Variants in KIFAP3 observed in about 807,000 individuals in gnomAD.
KIFAP3 encodes kinesin-associated protein 3.
A neutral mutation model predicts 106.5 loss-of-function variants in KIFAP3; 68 were observed. The ratio of observed to expected loss-of-function variants is 0.64; its 90% CI spans 0.53 to 0.78. KIFAP3 has a LOEUF of 0.78. Ranked by LOEUF, KIFAP3 falls within the 30% of genes least tolerant of loss-of-function variation. The pLI is 0.00. For synonymous variants in KIFAP3, 320 were observed against 311.5 expected (o/e 1.03, Z -0.29); for missense variants, 780 against 941.8 (o/e 0.83, Z 2.25).
At chr1:169,963,266 C>A (rs750966208) in intron 17 of KIFAP3, among the ~76,000 whole-genome samples, 1 of 152,164 alleles carries the variant, frequency 6.6e-6, no homozygotes, top group Non-Finnish European at 1.5e-5. Context: ...ATCCATGTTG[C>A]TGCAAAGGAC....
In KIFAP3 at chr1:169,957,680, T is replaced by G. The variant is rs370967410; in HGVS notation, c.2173+3366A>C. The stretch of plus-strand genomic sequence containing the variant: ...TCTCGCTTTGTTGCCCAGGCTGGTG[T>G]GCAGTGGTGTGATCTTGGCACACTG... On this transcript the variant is annotated intron_variant, in intron 18 of 19. Coordinates refer to ENST00000361580, the MANE Select transcript of KIFAP3 (RefSeq NM_014970.4). Among the ~76,000 whole-genome samples, 3 of 152,174 alleles carry G rather than the reference T, an allele frequency of 2.0e-5. No homozygotes were observed. The East Asian group carries it at 5.8e-4, about 29-fold the overall frequency.
intron 1 of KIFAP3, among the ~76,000 whole-genome samples, chr1:170,072,138 T>C (rs965822429): frequency 6.6e-6 from 1 of 152,230 alleles, no homozygotes; most frequent in African/African-American, 2.4e-5. Context: ...TCACTTTTAA[T>C]ATCCTTCAAT....
intron 16 of KIFAP3, among the ~76,000 whole-genome samples, chr1:169,977,736 G>A (rs545954): frequency 0.93 from 141,267 of 152,124 alleles, 65,637 homozygotes; most frequent in East Asian, 1. Flanking sequence ...GGAAATAGAT[G>A]TGGTTTCCCA....
chr1:169,928,657 T>C (rs1663280746), intron 19 of KIFAP3, among the ~76,000 whole-genome samples: 1 of 113,638 alleles, frequency 8.8e-6, no homozygotes, highest in Non-Finnish European at 1.6e-5. Context: ...TGACCGCCAC[T>C]GCACTCCAGC....
In KIFAP3 at chr1:170,035,497, C is replaced by T. The variant is rs1334698174; in HGVS notation, c.574G>A (p.Glu192Lys). 5.6e-6 allele frequency: 9 copies of T among 1,609,546 alleles called. No homozygotes were observed. The highest frequency in any genetic ancestry group is 4.4e-5 in the South Asian group (4 of 90,484). The change falls in exon 6 of 20, where the codon GAG becomes AAG. Residue 192 changes from glutamate (E) to lysine (K), a missense_variant. Physicochemically the swap from Glu to Lys is moderately conservative, Grantham distance 56. Transcript: ENST00000361580. ...VLREDWKQSV[E>K]LATNIIYIFF... ...ATGTAAATTATGTTTGTAGCTAACT[C>T]GACACTTTGCTTCCAGTCTTCTCTC...
At chr1:169,997,248 GGTT>G (rs1319975931) in intron 10 of KIFAP3, among the ~76,000 whole-genome samples, 9 of 152,156 alleles carry the variant, frequency 5.9e-5, no homozygotes, top group African/African-American at 2.2e-4. Context: ...TACCTGAAAA[GGTT>G]GTTGTGTGAG....
intron 19 of KIFAP3, among the ~76,000 whole-genome samples, chr1:169,936,856 A>G (rs1663834121): frequency 6.6e-6 from 1 of 151,162 alleles, no homozygotes; most frequent in Non-Finnish European, 1.5e-5. Flanking sequence ...TAAGATGTTT[A>G]TTCTGCTGGA....
chr1:169,947,453 C>T (rs937250471), intron 19 of KIFAP3, among the ~76,000 whole-genome samples: 4 of 151,808 alleles, frequency 2.6e-5, no homozygotes, highest in Admixed American at 2.0e-4. Flanking sequence ...TGCAAATATC[C>T]CAACCTGGAT....
intron 19 of KIFAP3, among the ~76,000 whole-genome samples, chr1:169,941,973 T>C (rs1382988558): frequency 1.3e-5 from 2 of 152,190 alleles, no homozygotes. Context: ...TTATTCAACA[T>C]ATTCATAGTA....
chr1:169,974,735 A>AT (rs1666132720), intron 16 of KIFAP3, among the ~76,000 whole-genome samples: 1 of 151,860 alleles, frequency 6.6e-6, no homozygotes, highest in South Asian at 2.1e-4. Flanking sequence ...TACTCAATAA[A>AT]TTTTTATTTA....
At chr1:170,066,956 T>C (rs377314965) in intron 1 of KIFAP3, among the ~76,000 whole-genome samples, 1 of 152,288 alleles carries the variant, frequency 6.6e-6, no homozygotes, top group East Asian at 1.9e-4. Flanking sequence ...TTTATACATT[T>C]ATATTCCTAT....
chr1:170,014,012 C>T (rs1343189237), intron 10 of KIFAP3, among the ~76,000 whole-genome samples: 1 of 152,140 alleles, frequency 6.6e-6, no homozygotes, highest in Non-Finnish European at 1.5e-5. Flanking sequence ...GTAACTATAA[C>T]ATTCATTTCA....
chr1:169,960,141 A>G (rs1306562874), intron 18 of KIFAP3, among the ~76,000 whole-genome samples: 2 of 152,182 alleles, frequency 1.3e-5, no homozygotes, highest in Admixed American at 1.3e-4. Flanking sequence ...AGTAATTTAC[A>G]TAATCATCCA....
At position 170,012,138 on chromosome 1, in the gene KIFAP3, G is replaced by T. The variant is rs1265536133; in HGVS notation, c.1183+4324C>A. 2.0e-5 allele frequency among the ~76,000 whole-genome samples: 3 copies of T among 152,050 alleles called. No individual in the cohort carries two copies. The East Asian group carries it at 5.8e-4, about 29-fold the overall frequency. On this transcript the variant is annotated intron_variant, in intron 10 of 19. Coordinates refer to ENST00000361580, the MANE Select transcript of KIFAP3 (RefSeq NM_014970.4). ...GTTGTCAGTTTCCAAGACCACAAGA[G>T]AATAGAAATAGATTATTATAGAAAA... is the stretch of plus-strand genomic sequence containing the variant.
chr1:170,051,623 A>G (rs1461697427), intron 2 of KIFAP3, among the ~76,000 whole-genome samples: 1 of 152,210 alleles, frequency 6.6e-6, no homozygotes, highest in Non-Finnish European at 1.5e-5. Context: ...ATGCAGAAGA[A>G]TGGAAATCAT....
chr1:170,005,242 A>AG (rs1667886840), intron 10 of KIFAP3, among the ~76,000 whole-genome samples: 1 of 152,274 alleles, frequency 6.6e-6, no homozygotes, highest in Non-Finnish European at 1.5e-5. Context: ...AAATAGGAAC[A>AG]CTTTACACTG....
chr1:169,970,458 C>A (rs1200382012), intron 17 of KIFAP3, among the ~76,000 whole-genome samples: 1 of 152,028 alleles, frequency 6.6e-6, no homozygotes, highest in Non-Finnish European at 1.5e-5. Flanking sequence ...TACTTTACTG[C>A]AGAAAGTATA....
At chr1:170,073,542 T>C (rs1671794781) in intron 1 of KIFAP3, among the ~76,000 whole-genome samples, 1 of 152,236 alleles carries the variant, frequency 6.6e-6, no homozygotes, top group Non-Finnish European at 1.5e-5. Flanking sequence ...GTATTTCATC[T>C]TTCGTCCTTG....
At chr1:170,037,591 A>G (rs1669754328) in intron 5 of KIFAP3, among the ~76,000 whole-genome samples, 1 of 151,262 alleles carries the variant, frequency 6.6e-6, no homozygotes, top group Non-Finnish European at 1.5e-5. Flanking sequence ...CAAACCACAC[A>G]CAAGGAGTGG....
Sources: gnomAD v4.1 joint callset for allele counts (sites outside exome capture counted in the v4.1 genomes callset) on GRCh38, gnomAD v4.1.1 for gene constraint, MANE v1.5 for transcripts, NCBI Gene and HGNC (gene_info 2026-07-23, HGNC 2026-07-21) for gene names.